Variants in MAP3K4 observed in about 807,000 individuals in gnomAD.
MAP3K4 encodes the protein MAP three kinase 1.
MAP3K4 carries 67 observed loss-of-function variants against 185.6 expected under a neutral mutation model. The observed-to-expected ratio is 0.36, with a 90% confidence interval of 0.30 to 0.44. The LOEUF (loss-of-function observed/expected upper bound fraction) is 0.44, where lower values mean the gene tolerates loss of function less well. MAP3K4 is among the 20% of genes least tolerant of loss of function. The pLI, the probability that MAP3K4 is intolerant of heterozygous loss-of-function variation, is 1.00. For synonymous variants in MAP3K4, 702 were observed against 710.4 expected, an observed-to-expected ratio of 0.99 and a Z score of 0.19; for missense variants, 1,551 against 1,995.1, an observed-to-expected ratio of 0.78 and a Z score of 4.24.
At chr6:161,060,151 A>G (rs1784421957) in intron 3 of MAP3K4, among the ~76,000 whole-genome samples, 1 of 151,826 alleles carries the variant, frequency 6.6e-6, no homozygotes, top group Non-Finnish European at 1.5e-5. Context: ...AGGATATTCT[A>G]ATTCTCTCAT....
rs561182998 is a variant in MAP3K4 at position 161,082,499 on chromosome 6, G to A, written c.2255+1461G>A. Among the ~76,000 whole-genome samples the A allele has an allele frequency of 1.8e-4, 27 of 151,532 alleles. No individual in the cohort carries two copies. Among genetic ancestry groups the A allele is most frequent in the African/African-American group, 6.6e-4 (27 of 41,132 alleles). ...TCTGGCCTTTGCTTTCATGATCCTCGCCCTGAGAAGCTCCAGGGCTTTTTC... is the reference window on the plus strand; with the variant it reads ...TCTGGCCTTTGCTTTCATGATCCTCACCCTGAGAAGCTCCAGGGCTTTTTC... On this transcript the variant is annotated intron_variant, in intron 6 of 26. Transcript: ENST00000392142. The surrounding 1 kb of genome is among the most constrained non-coding windows in gnomAD (Gnocchi z 4.2).
intron 1 of MAP3K4, among the ~76,000 whole-genome samples, chr6:161,026,414 C>A (rs190405858): frequency 2.4e-3 from 367 of 152,148 alleles, no homozygotes; most frequent in Middle Eastern, 0.014. Context: ...GGATTACAGG[C>A]ATGAGCCACC....
chr6:161,084,645 C>A lies in MAP3K4; in HGVS notation c.2372+28C>A, dbSNP rs770633697. On this transcript the variant is annotated intron_variant, in intron 7 of 26. Coordinates refer to ENST00000392142, the MANE Select transcript of MAP3K4 (RefSeq NM_005922.4). This position sits in a 1 kb window ranked among gnomAD's most constrained non-coding sequence, Gnocchi z 4.6. Reference sequence around the variant, plus strand: ...TGGAGTTGTGCTTCCTTTCCCCTTCCACTTCTTATCTCGTAGTTTCCTTCC... The same window carrying A: ...TGGAGTTGTGCTTCCTTTCCCCTTCAACTTCTTATCTCGTAGTTTCCTTCC... 3.2e-6 allele frequency: 4 copies of A among 1,242,916 alleles called. No homozygotes were observed. The highest frequency in any genetic ancestry group is 1.5e-5 in the African/African-American group (1 of 68,070). The allele number at this position is 1,242,916 out of a possible 1,614,324, so 77.0% of individuals were successfully genotyped here.
Position 161,067,643 on chromosome 6 carries a change from G to A in MAP3K4, c.1708-2965G>A, listed in dbSNP as rs150066828. The stretch of plus-strand genomic sequence containing the variant: ...CTAATGCAGATTACTACGTGGAAAC[G>A]GTGTGTTCTTCCAACTTTATATTTT... On this transcript the variant is annotated intron_variant, in intron 3 of 26. Coordinates refer to ENST00000392142, the MANE Select transcript of MAP3K4 (RefSeq NM_005922.4). This position sits in a 1 kb window ranked among gnomAD's most constrained non-coding sequence, Gnocchi z 6.3. Among the ~76,000 whole-genome samples, 307 of 152,282 alleles carry A rather than the reference G, an allele frequency of 2.0e-3. 1 individual carries two copies. The highest frequency in any genetic ancestry group is 7.0e-3 in the African/African-American group (292 of 41,552).
rs2115019107 is a variant in MAP3K4 at position 160,992,009 on chromosome 6, G to GCCA, written c.81_83dup (p.Pro36dup). ...CTGCCGCCGCCATGGAGGAGCCGCC[G>GCCA]CCACCGCCGCCGCCGCCACCACCGC... On this transcript the variant is annotated inframe_insertion, in exon 1 of 27. Transcript: ENST00000392142. 1.3e-6 allele frequency: 2 copies of GCCA among 1,504,548 alleles called. No individual in the cohort carries two copies. The highest frequency in any genetic ancestry group is 9.0e-7 in the Non-Finnish European group (1 of 1,115,126). The allele number at this position is 1,504,548 out of a possible 1,614,324, so 93.2% of individuals were successfully genotyped here. A position where few individuals can be genotyped will look rare whatever the true frequency, so the allele number is the denominator to read the frequency against.
At chr6:160,995,913 A>G (rs977391467) in intron 1 of MAP3K4, among the ~76,000 whole-genome samples, 1 of 152,200 alleles carries the variant, frequency 6.6e-6, no homozygotes, top group East Asian at 1.9e-4. Context: ...CATTGTTCTC[A>G]TTGTCCTTAT....
chr6:161,116,093 T>G lies in MAP3K4; in HGVS notation c.4807-757T>G, dbSNP rs760547815. On this transcript the variant is annotated intron_variant, in intron 26 of 26. Coordinates refer to ENST00000392142, the MANE Select transcript of MAP3K4 (RefSeq NM_005922.4). This position sits in a 1 kb window ranked among gnomAD's most constrained non-coding sequence, Gnocchi z 6.2. The stretch of plus-strand genomic sequence containing the variant: ...TAGAGTGCCGTGGCTGACCCCTGAT[T>G]GGATGTGAAAGGTGAGTGAGGGGAG... Among the ~76,000 whole-genome samples the G allele has an allele frequency of 4.0e-5, 6 of 151,800 alleles. No individual in the cohort carries two copies. Among genetic ancestry groups the G allele is most frequent in the Non-Finnish European group, 8.8e-5 (6 of 67,950 alleles).
Position 161,073,811 on chromosome 6 carries a change from CAG to C in MAP3K4, c.2097+202_2097+203del, listed in dbSNP as rs143830932. Among the ~76,000 whole-genome samples, 1,431 of 152,272 alleles carry C rather than the reference CAG, an allele frequency of 9.4e-3. 9 individuals are homozygous for C. The highest frequency in any genetic ancestry group is 0.014 in the Non-Finnish European group (971 of 68,012). On this transcript the variant is annotated intron_variant, in intron 5 of 26. Coordinates refer to ENST00000392142, the MANE Select transcript of MAP3K4 (RefSeq NM_005922.4). This position sits in a 1 kb window ranked among gnomAD's most constrained non-coding sequence, Gnocchi z 4.2. ...GAGGGCGGTGGTGGTGATCTTGAAT[CAG>C]AGTCTTTCCATCTGGTATTAGATTA...
At position 161,087,758 on chromosome 6, in the gene MAP3K4, T is replaced by C. The variant is rs1455087917; in HGVS notation, c.2627T>C (p.Ile876Thr). The change falls in exon 10 of 27, where the codon ATT becomes ACT. Residue 876 changes from isoleucine to threonine, a missense_variant. This residue lies in a region of MAP3K4 where 261 missense variants were observed against 306.5 expected (regional missense o/e 0.85). Transcript: ENST00000392142. The surrounding 1 kb of genome is among the most constrained non-coding windows in gnomAD (Gnocchi z 4.9). ...PDTLAEEKSIILQLLNAAAGK... is the reference protein window; with the variant it reads ...PDTLAEEKSITLQLLNAAAGK... ...ACTCTTGCTGAGGAGAAGAGTATTATTTTGCAGTTACTCAATGCAGCTGCA... is the reference window on the plus strand; with the variant it reads ...ACTCTTGCTGAGGAGAAGAGTATTACTTTGCAGTTACTCAATGCAGCTGCA... The C allele has an allele frequency of 1.9e-6, 3 of 1,614,152 alleles. No individual in the cohort carries two copies. The highest frequency in any genetic ancestry group is 2.2e-5 in the East Asian group (1 of 44,886).
At chr6:161,046,981 T>A (rs1028761662) in intron 2 of MAP3K4, among the ~76,000 whole-genome samples, 2 of 147,482 alleles carry the variant, frequency 1.4e-5, no homozygotes, top group African/African-American at 4.9e-5. Context: ...ATATAAGAAA[T>A]ATATACTAAG....
At chr6:161,038,065 G>A (rs928412187) in intron 2 of MAP3K4, among the ~76,000 whole-genome samples, 1 of 150,778 alleles carries the variant, frequency 6.6e-6, no homozygotes, top group African/African-American at 2.4e-5. Context: ...CCTTTCTCAC[G>A]CTTTCTCTCC....
At chr6:161,029,354 G>T (rs1782816136) in intron 1 of MAP3K4, among the ~76,000 whole-genome samples, 1 of 152,122 alleles carries the variant, frequency 6.6e-6, no homozygotes, top group Non-Finnish European at 1.5e-5. Flanking sequence ...CACCATTGTG[G>T]TTTACCTAAT....
intron 2 of MAP3K4, among the ~76,000 whole-genome samples, chr6:161,042,946 C>T (rs1348957264): frequency 3.3e-5 from 5 of 151,038 alleles, no homozygotes; most frequent in Non-Finnish European, 7.4e-5. Flanking sequence ...ACACACATCC[C>T]TGTTAGGAAA....
Position 161,048,309 on chromosome 6 carries a change from T to G in MAP3K4, c.344-307T>G, listed in dbSNP as rs200394474. On this transcript the variant is annotated intron_variant, in intron 2 of 26. Coordinates refer to ENST00000392142, the MANE Select transcript of MAP3K4 (RefSeq NM_005922.4). This position sits in a 1 kb window ranked among gnomAD's most constrained non-coding sequence, Gnocchi z 4.7. Reference sequence around the variant, plus strand: ...AATTGAAGGTGATTACTTACGGAAATTTGGTTAAATGATTTGATAACTATG... The same window carrying G: ...AATTGAAGGTGATTACTTACGGAAAGTTGGTTAAATGATTTGATAACTATG... The G allele has an allele frequency of 2.1e-4, 124 of 578,046 alleles. 1 individual carries two copies. Among genetic ancestry groups the G allele is most frequent in the Non-Finnish European group, 2.9e-4 (84 of 291,080 alleles). The allele number at this position is 578,046 out of a possible 1,614,324, so 35.8% of individuals were successfully genotyped here.
intron 1 of MAP3K4, among the ~76,000 whole-genome samples, chr6:161,021,147 T>A (rs1034390631): frequency 2.0e-5 from 3 of 152,244 alleles, no homozygotes; most frequent in Non-Finnish European, 4.4e-5. Context: ...CATGTTTTAT[T>A]ACCTCTTAGA....
intron 18 of MAP3K4, 38 bp downstream of exon 18, chr6:161,102,030 T>G: frequency 3.3e-6 from 5 of 1,508,256 alleles, no homozygotes; most frequent in Non-Finnish European, 4.6e-6. Context: ...TCACAACCAG[T>G]CTAATCATTT....
At chr6:161,040,342 G>A (rs1482930407) in intron 2 of MAP3K4, among the ~76,000 whole-genome samples, 1 of 152,126 alleles carries the variant, frequency 6.6e-6, no homozygotes, top group African/African-American at 2.4e-5. Flanking sequence ...CACACACACA[G>A]ATATATACAG....
chr6:161,021,345 C>T (rs1044408451), intron 1 of MAP3K4, among the ~76,000 whole-genome samples: 1 of 152,156 alleles, frequency 6.6e-6, no homozygotes, highest in Non-Finnish European at 1.5e-5. Flanking sequence ...TTCTGGGACT[C>T]GGATTCACTC....
intron 3 of MAP3K4, among the ~76,000 whole-genome samples, chr6:161,052,750 T>A (rs1784062075): frequency 6.6e-6 from 1 of 152,164 alleles, no homozygotes; most frequent in Non-Finnish European, 1.5e-5. Context: ...TGCTTGTGTG[T>A]GTATGTGTGT....
Sources: gnomAD v4.1 joint callset for allele counts (sites outside exome capture counted in the v4.1 genomes callset) on GRCh38, gnomAD v4.1.1 for gene constraint, gnomAD v4.1.1 regional missense constraint, Gnocchi (gnomAD v3.1) non-coding constraint, MANE v1.5 for transcripts, NCBI Gene and HGNC (gene_info 2026-07-23, HGNC 2026-07-21) for gene names.